Variants in SORCS1 observed in about 807,000 individuals in gnomAD.
SORCS1 encodes VPS10 domain-containing receptor SorCS1.
SORCS1 carries 60 observed loss-of-function variants against 146.1 expected under a neutral mutation model. That is an observed-to-expected ratio of 0.41 (90% CI 0.33 to 0.51). The LOEUF is 0.51. SORCS1 is among the 20% of genes least tolerant of loss of function. The pLI, the probability that SORCS1 is intolerant of heterozygous loss-of-function variation, is 0.21. For missense variants in SORCS1, 1,352 were observed against 1,487.6 expected, an observed-to-expected ratio of 0.91 and a Z score of 1.50; for synonymous variants, 637 against 584.0, an observed-to-expected ratio of 1.09 and a Z score of -1.31.
intron 1 of SORCS1, among the ~76,000 whole-genome samples, chr10:107,008,487 T>G (rs959053643): frequency 1.3e-5 from 2 of 152,246 alleles, no homozygotes; most frequent in African/African-American, 4.8e-5. Context: ...CTTCATCACA[T>G]GAAAGATGTT....
chr10:106,577,762 G>T, intron 25 of SORCS1: 1 of 964,686 alleles, frequency 1.0e-6, no homozygotes, highest in Non-Finnish European at 1.4e-6. Flanking sequence ...TTAGGAATGA[G>T]TAGACAGGGT....
chr10:106,901,827 A>G (rs1299918566), intron 2 of SORCS1, among the ~76,000 whole-genome samples: 1 of 152,132 alleles, frequency 6.6e-6, no homozygotes, highest in Admixed American at 6.5e-5. Flanking sequence ...GTGGATCACG[A>G]GGTCAGGAGA....
chr10:106,787,659 G>C (rs781545799), intron 3 of SORCS1, among the ~76,000 whole-genome samples: 17 of 152,120 alleles, frequency 1.1e-4, no homozygotes, highest in African/African-American at 4.1e-4. Flanking sequence ...TGTATGCAAA[G>C]GGAACAAAAA....
intron 1 of SORCS1, among the ~76,000 whole-genome samples, chr10:107,019,656 G>A (rs999529536): frequency 2.0e-5 from 3 of 152,182 alleles, no homozygotes; most frequent in African/African-American, 7.2e-5. Flanking sequence ...CCAAGCAGGG[G>A]AAATGCCATT....
intron 2 of SORCS1, among the ~76,000 whole-genome samples, chr10:106,890,465 GA>G (rs1025536134): frequency 6.7e-6 from 1 of 150,098 alleles, no homozygotes; most frequent in South Asian, 2.1e-4. Flanking sequence ...TTAAAAAGGA[GA>G]AAAAAAAACA....
intron 1 of SORCS1, among the ~76,000 whole-genome samples, chr10:106,964,752 C>T (rs1955421784): frequency 6.6e-6 from 1 of 151,948 alleles, no homozygotes. Context: ...TCCCAAAGTG[C>T]TGGGATTACA....
intron 4 of SORCS1, among the ~76,000 whole-genome samples, chr10:106,764,623 T>C (rs1357231079): frequency 6.6e-6 from 1 of 152,088 alleles, no homozygotes; most frequent in Non-Finnish European, 1.5e-5. Flanking sequence ...TCTCTAGCTA[T>C]GCCAAGCTTA....
the SORCS1 span, among the ~76,000 whole-genome samples, chr10:107,172,899 C>G: frequency 6.6e-6 from 1 of 152,072 alleles, no homozygotes. Context: ...GAGAACCCTG[C>G]CCGGTAACAT....
At chr10:107,016,903 T>G (rs1350850028) in intron 1 of SORCS1, among the ~76,000 whole-genome samples, 3 of 152,178 alleles carry the variant, frequency 2.0e-5, no homozygotes, top group Non-Finnish European at 4.4e-5. Flanking sequence ...TAATAATCAT[T>G]TTTGAAATGT....
intron 5 of SORCS1, among the ~76,000 whole-genome samples, chr10:106,739,604 C>T (rs949877349): frequency 2.0e-5 from 3 of 151,682 alleles, no homozygotes; most frequent in African/African-American, 7.3e-5. Context: ...GTCAGAAGAT[C>T]GAGACCATCT....
chr10:106,912,299 A>G (rs185138455), intron 2 of SORCS1, among the ~76,000 whole-genome samples: 20 of 148,898 alleles, frequency 1.3e-4, no homozygotes, highest in African/African-American at 4.7e-4. Context: ...ATAACTGAAC[A>G]TGAAACAAAA....
At position 106,962,363 on chromosome 10, in the gene SORCS1, C is replaced by T. The variant is rs567546464; in HGVS notation, c.559-5783G>A. Among the ~76,000 whole-genome samples the T allele has an allele frequency of 1.2e-4, 15 of 125,186 alleles. No homozygotes were observed. The South Asian group carries it at 3.0e-3, about 25-fold the overall frequency. The allele number at this position is 125,186 out of a possible 152,430, so 82.1% of individuals were successfully genotyped here. A position where few individuals can be genotyped will look rare whatever the true frequency, so the allele number is the denominator to read the frequency against. On this transcript the variant is annotated intron_variant, in intron 1 of 25. Coordinates refer to ENST00000263054, the MANE Select transcript of SORCS1 (RefSeq NM_052918.5). ...TGAGCCAAATCGCAAAATTGCACTCCAGCCTGGGCAACAAGAGCAAAACTC... is the reference window on the plus strand; with the variant it reads ...TGAGCCAAATCGCAAAATTGCACTCTAGCCTGGGCAACAAGAGCAAAACTC...
Position 106,675,091 on chromosome 10 carries a change from T to C in SORCS1, c.1898A>G (p.Asp633Gly). The C allele has an allele frequency of 6.2e-7, 1 of 1,613,692 alleles. No individual in the cohort carries two copies. Among genetic ancestry groups the C allele is most frequent in the Non-Finnish European group, 8.5e-7 (1 of 1,179,830 alleles). ...TTCTCCAGGCTCACCCAGAACCCCA[T>C]CCACAAAAAGTGGAATAGATGTGAA... ...YSFTSIPLFVDGVLGEPGEET... is the reference protein window; with the variant it reads ...YSFTSIPLFVGGVLGEPGEET... Residue 633 changes from aspartate (D) to glycine (G), a missense_variant, in exon 14 of 26, where the codon GAT (aspartate) becomes GGT (glycine). Physicochemically the swap from Asp to Gly is moderately conservative, Grantham distance 94. Around this residue, in one of 3 missense-constraint regions of SORCS1, gnomAD observed 648 missense variants for 793.8 expected, o/e 0.82. Coordinates refer to ENST00000263054, the MANE Select transcript of SORCS1 (RefSeq NM_052918.5).
At chr10:106,809,267 G>A (rs2136756611) in intron 3 of SORCS1, among the ~76,000 whole-genome samples, 1 of 152,200 alleles carries the variant, frequency 6.6e-6, no homozygotes, top group African/African-American at 2.4e-5. Flanking sequence ...AAGTCTCGAA[G>A]TTCTTAGACA....
intron 5 of SORCS1, among the ~76,000 whole-genome samples, chr10:106,740,161 A>G (rs1395124100): frequency 6.6e-6 from 1 of 152,194 alleles, no homozygotes; most frequent in Non-Finnish European, 1.5e-5. Context: ...CAGTACTTAC[A>G]TACTAACTTT....
intron 18 of SORCS1, among the ~76,000 whole-genome samples, chr10:106,649,125 C>G (rs148104183): frequency 6.6e-6 from 1 of 152,114 alleles, no homozygotes; most frequent in Non-Finnish European, 1.5e-5. Flanking sequence ...AGGTGTGATC[C>G]GATTCTTCCA....
intron 7 of SORCS1, among the ~76,000 whole-genome samples, chr10:106,707,350 G>A (rs1854607110): frequency 6.6e-6 from 1 of 151,796 alleles, no homozygotes; most frequent in Non-Finnish European, 1.5e-5. Flanking sequence ...CACCACACCT[G>A]GCTATGTTTT....
intron 10 of SORCS1, among the ~76,000 whole-genome samples, 182 bp downstream of exon 10, chr10:106,688,010 C>T (rs1852991209): frequency 6.6e-6 from 1 of 152,220 alleles, no homozygotes; most frequent in Non-Finnish European, 1.5e-5. Context: ...GTTCTCCCAT[C>T]TCTTTGGCAC....
At chr10:107,087,057 C>T (rs1476883064) in intron 1 of SORCS1, among the ~76,000 whole-genome samples, 1 of 152,016 alleles carries the variant, frequency 6.6e-6, no homozygotes, top group East Asian at 1.9e-4. Context: ...AAACAAAATA[C>T]TACCAGACAT....
Sources: gnomAD v4.1 joint callset for allele counts (sites outside exome capture counted in the v4.1 genomes callset) on GRCh38, gnomAD v4.1.1 for gene constraint, gnomAD v4.1.1 regional missense constraint, MANE v1.5 for transcripts, NCBI Gene and HGNC (gene_info 2026-07-23, HGNC 2026-07-21) for gene names.